The following PCM1 variants were observed in gnomAD, a reference collection of about 807,000 sequenced individuals.
The protein encoded by PCM1 is pericentriolar material 1 protein.
PCM1 carries 157 observed loss-of-function variants against 241.9 expected under a neutral mutation model. The observed-to-expected ratio is 0.65, with a 90% CI of 0.57 to 0.74. The LOEUF (loss-of-function observed/expected upper bound fraction) is 0.74, where lower values mean the gene tolerates loss of function less well. PCM1 is among the 30% of genes least tolerant of loss of function. The pLI is 0.00. For missense variants in PCM1, 3,478 were observed against 2,360.1 expected (o/e 1.47, Z -9.81); for synonymous variants, 1,085 against 784.9 (o/e 1.38, Z -6.39).
intron 22 of PCM1, among the ~76,000 whole-genome samples, chr8:17,970,252 G>T (rs538970968): frequency 3.3e-5 from 5 of 152,220 alleles, no homozygotes; most frequent in South Asian, 4.1e-4. Flanking sequence ...TTTTGACTCA[G>T]TGTGAAAGGT....
chr8:18,015,343 G>A (rs2093030997), intron 36 of PCM1, among the ~76,000 whole-genome samples: 1 of 151,578 alleles, frequency 6.6e-6, no homozygotes, highest in Non-Finnish European at 1.5e-5. Flanking sequence ...TACTTGAGCA[G>A]AGGAAAGCAA....
intron 7 of PCM1, among the ~76,000 whole-genome samples, chr8:17,948,367 T>C (rs1232338620): frequency 6.8e-6 from 1 of 146,782 alleles, no homozygotes; most frequent in Non-Finnish European, 1.5e-5. Context: ...TGCAATGGCA[T>C]GTTCTCGGCT....
rs777963930 is a variant in PCM1, at chr8:17,972,416, C to G, written c.3672C>G (p.Ile1224Met). Residue 1224 changes from isoleucine to methionine, a missense_variant, in exon 23 of 39, where the codon ATC becomes ATG. Ile to Met is a conservative substitution (Grantham distance 10). Coordinates refer to ENST00000325083, the MANE Select transcript of PCM1 (RefSeq NM_006197.4). Reference sequence around the variant, plus strand: ...AAGGTGAAGTAGAGAAACCATTTATCAAGACTGGATTTTCAGTGTCTGTAG... The same window carrying G: ...AAGGTGAAGTAGAGAAACCATTTATGAAGACTGGATTTTCAGTGTCTGTAG... ...EQEGEVEKPF[I>M]KTGFSVSVEK... 6.2e-6 allele frequency: 10 copies of G among 1,611,208 alleles called. No individual in the cohort carries two copies. The South Asian group carries it at 9.9e-5, about 16-fold the overall frequency.
intron 13 of PCM1, 46 bp downstream of exon 13, chr8:17,957,821 A>G (rs1245164918): frequency 3.2e-6 from 4 of 1,252,748 alleles, no homozygotes; most frequent in Admixed American, 3.9e-5. Flanking sequence ...CAAATAGTAC[A>G]GTCTTAAGTA....
Position 18,009,744 on chromosome 8 carries a change from GGTAAATAAC to G in PCM1, c.5160+3_5160+11del. ...GAGTGATACAATCTTGTGCCAAAGA[GGTAAATAAC>G]GTTCATTTTGATTTTTAGGATAATT... is the stretch of plus-strand genomic sequence containing the variant. On this transcript the variant is annotated splice_donor_variant and splice_donor_5th_base_variant and intron_variant, in intron 31 of 38. Transcript: ENST00000325083. LOFTEE classifies it high-confidence loss of function. 7.1e-7 allele frequency: 1 copy of G among 1,416,228 alleles called. No individual in the cohort carries two copies. The highest frequency in any genetic ancestry group is 9.3e-7 in the Non-Finnish European group (1 of 1,078,642). The allele number at this position is 1,416,228 out of a possible 1,614,324, so 87.7% of individuals were successfully genotyped here.
At chr8:17,944,013 C>T (rs542617943) in intron 6 of PCM1, among the ~76,000 whole-genome samples, 2 of 152,212 alleles carry the variant, frequency 1.3e-5, no homozygotes, top group South Asian at 4.1e-4. Context: ...TATAAGATGT[C>T]AGAAGAAGGC....
intron 25 of PCM1, 99 bp from the exon 26 acceptor site, chr8:17,985,860 A>T: frequency 2.3e-6 from 2 of 879,594 alleles, no homozygotes; most frequent in African/African-American, 1.7e-5. Flanking sequence ...GAAACAGTAC[A>T]TTTTTCCTTC....
chr8:17,944,754 G>C (rs1325795753), intron 6 of PCM1, among the ~76,000 whole-genome samples: 2 of 151,828 alleles, frequency 1.3e-5, no homozygotes, highest in Admixed American at 6.6e-5. Flanking sequence ...CCCATCTTTT[G>C]GCTCAGTTTT....
intron 36 of PCM1, among the ~76,000 whole-genome samples, chr8:18,020,692 T>A (rs1315576642): frequency 6.6e-6 from 1 of 152,226 alleles, no homozygotes; most frequent in Admixed American, 6.5e-5. Flanking sequence ...TATGAACTAA[T>A]AGAAAAGGGA....
chr8:17,978,036 A>C (rs1040464288), intron 23 of PCM1, among the ~76,000 whole-genome samples: 1 of 152,202 alleles, frequency 6.6e-6, no homozygotes, highest in African/African-American at 2.4e-5. Context: ...ATATTGAACA[A>C]ATACACTTGA....
chr8:18,024,719 A>G (rs536797353), intron 36 of PCM1, among the ~76,000 whole-genome samples: 30 of 152,330 alleles, frequency 2.0e-4, no homozygotes, highest in African/African-American at 7.2e-4. Context: ...ACTATAGCAT[A>G]TACTATCAAG....
intron 29 of PCM1, among the ~76,000 whole-genome samples, chr8:17,995,143 T>C (rs1007246178): frequency 6.6e-6 from 1 of 151,410 alleles, no homozygotes; most frequent in African/African-American, 2.5e-5. Flanking sequence ...TTTCATATAA[T>C]AGTTTCATAG....
rs889024514 is a variant in PCM1 at position 18,027,697 on chromosome 8, C to T, written c.*35C>T. ...AGAGGCTCATCTAACTCTGTCCTTA[C>T]ATACTCAATGCATATATGAAAACAA... On this transcript the variant is annotated 3_prime_UTR_variant, in exon 39 of 39. Transcript: ENST00000325083. 4.7e-6 allele frequency: 7 copies of T among 1,488,298 alleles called. No individual in the cohort carries two copies. Among genetic ancestry groups the T allele is most frequent in the African/African-American group, 2.8e-5 (2 of 72,704 alleles). 92.2% of individuals were successfully genotyped at this position (1,488,298 alleles called of 1,614,324 possible).
At chr8:18,015,966 G>A (rs1401246516) in intron 36 of PCM1, among the ~76,000 whole-genome samples, 1 of 152,176 alleles carries the variant, frequency 6.6e-6, no homozygotes, top group African/African-American at 2.4e-5. Context: ...TCGGCTCACT[G>A]CAACCTCTGC....
Position 18,028,804 on chromosome 8 carries a change from T to TAACA in PCM1, c.*1144_*1147dup, listed in dbSNP as rs2094380217. On this transcript the variant is annotated 3_prime_UTR_variant, in exon 39 of 39. Coordinates refer to ENST00000325083, the MANE Select transcript of PCM1 (RefSeq NM_006197.4). ...GTTCCAATAAGTATTTTAACTTTGT[T>TAACA]AACAACTGAAATACCCCATAAAAAA... 5.3e-6 allele frequency: 1 copy of TAACA among 188,884 alleles called. No homozygotes were observed. Among genetic ancestry groups the TAACA allele is most frequent in the Non-Finnish European group, 1.1e-5 (1 of 89,712 alleles). The allele number at this position is 188,884 out of a possible 1,614,324, so 11.7% of individuals were successfully genotyped here.
chr8:18,013,541 ACAT>A (rs1434105192), intron 34 of PCM1, among the ~76,000 whole-genome samples: 2 of 152,172 alleles, frequency 1.3e-5, no homozygotes, highest in Non-Finnish European at 2.9e-5. Flanking sequence ...TCCTGCCCCA[ACAT>A]CATCATGTCT....
chr8:18,009,771 G>A, intron 31 of PCM1, 27 bp downstream of exon 31: 1 of 1,300,754 alleles, frequency 7.7e-7, no homozygotes, highest in Non-Finnish European at 1.0e-6. Context: ...TTGATTTTTA[G>A]GATAATTGAC....
Position 17,947,171 on chromosome 8 carries a change from G to C in PCM1, c.784-15G>C. On this transcript the variant is annotated splice_polypyrimidine_tract_variant and intron_variant, in intron 6 of 38. Transcript: ENST00000325083. ...TTAATAGTCAGATACAAGTATTGTT[G>C]GTCTTATTTTCCAGGCCAGAGATCC... 1 of 1,530,636 alleles carries C rather than the reference G, an allele frequency of 6.5e-7. No individual in the cohort carries two copies. The highest frequency in any genetic ancestry group is 1.2e-5 in the South Asian group (1 of 81,990). 94.8% of individuals were successfully genotyped at this position (1,530,636 alleles called of 1,614,324 possible).
At chr8:17,923,649 G>A (rs571298096) in intron 1 of PCM1, among the ~76,000 whole-genome samples, 2 of 152,012 alleles carry the variant, frequency 1.3e-5, no homozygotes, top group African/African-American at 4.8e-5. Context: ...CCAGAGTTTG[G>A]GGTGTAGAAG....
Sources: allele counts gnomAD v4.1 joint callset (sites outside exome capture counted in the v4.1 genomes callset), GRCh38; gene constraint gnomAD v4.1.1; transcripts MANE v1.5; gene names NCBI Gene and HGNC (gene_info 2026-07-23, HGNC 2026-07-21).